The following KCNIP4 variants were observed in gnomAD, a reference collection of about 807,000 sequenced individuals.
KCNIP4 encodes Kv channel-interacting protein 4.
KCNIP4 carries 12 observed loss-of-function variants against 34.0 expected under a neutral mutation model. The observed-to-expected ratio is 0.35, with a 90% CI of 0.23 to 0.57. The LOEUF (loss-of-function observed/expected upper bound fraction) is 0.57. Ranked by LOEUF, KCNIP4 falls within the 20% of genes least tolerant of loss-of-function variation. The probability of loss-of-function intolerance (pLI) is 0.83; values close to 1 mark genes in which losing one functional copy is unlikely to be tolerated. For missense variants in KCNIP4, 238 were observed against 311.7 expected, an observed-to-expected ratio of 0.76 and a Z score of 1.78; for synonymous variants, 124 against 102.2, an observed-to-expected ratio of 1.21 and a Z score of -1.29.
At chr4:20,801,136 C>T (rs1332383114) in intron 3 of KCNIP4, among the ~76,000 whole-genome samples, 1 of 152,120 alleles carries the variant, frequency 6.6e-6, no homozygotes, top group Non-Finnish European at 1.5e-5. Flanking sequence ...ATATATTCAA[C>T]ATGCTGAAAG....
chr4:21,200,445 A>G (rs566280214), intron 1 of KCNIP4, among the ~76,000 whole-genome samples: 12 of 150,792 alleles, frequency 8.0e-5, no homozygotes, highest in Admixed American at 4.6e-4. Context: ...CTACCATGGG[A>G]TACTACACAG....
intron 1 of KCNIP4, among the ~76,000 whole-genome samples, chr4:21,398,003 G>T (rs1723150027): frequency 2.0e-5 from 3 of 152,218 alleles, no homozygotes; most frequent in African/African-American, 7.2e-5. Flanking sequence ...GTCACTTCCT[G>T]CAGAGATGAC....
At chr4:20,918,454 T>A (rs1371052180) in intron 1 of KCNIP4, among the ~76,000 whole-genome samples, 1 of 152,160 alleles carries the variant, frequency 6.6e-6, no homozygotes, top group Non-Finnish European at 1.5e-5. Flanking sequence ...AAACCAGGCA[T>A]ATCTTTTTTC....
intron 1 of KCNIP4, among the ~76,000 whole-genome samples, chr4:21,513,933 A>G (rs527542756): frequency 5.9e-5 from 9 of 152,306 alleles, no homozygotes; most frequent in East Asian, 1.9e-4. Flanking sequence ...TAAGCCTAAA[A>G]TAGCACCTCC....
chr4:20,852,129 A>G (rs1721100547), intron 2 of KCNIP4, among the ~76,000 whole-genome samples: 3 of 151,624 alleles, frequency 2.0e-5, no homozygotes, highest in African/African-American at 2.4e-5. Flanking sequence ...AATTCATTCT[A>G]TGAAGCATCA....
At chr4:20,916,015 G>A (rs535598746) in intron 1 of KCNIP4, among the ~76,000 whole-genome samples, 1 of 152,070 alleles carries the variant, frequency 6.6e-6, no homozygotes, top group Non-Finnish European at 1.5e-5. Flanking sequence ...TGGAAAAGGG[G>A]AATAAATTTT....
chr4:21,445,624 C>G (rs893695964), intron 1 of KCNIP4, among the ~76,000 whole-genome samples: 5 of 152,120 alleles, frequency 3.3e-5, no homozygotes, highest in Non-Finnish European at 7.3e-5. Flanking sequence ...AAAATTAATT[C>G]AAGATGGATT....
chr4:21,422,659 TTG>T (rs3083787), intron 1 of KCNIP4, among the ~76,000 whole-genome samples: 23,383 of 147,500 alleles, frequency 0.16, 2,133 homozygotes, highest in African/African-American at 0.25. Context: ...ATGTGTGTGT[TTG>T]TGTGTGTGTG....
chr4:20,980,899 A>T (rs1736002151), intron 1 of KCNIP4, among the ~76,000 whole-genome samples: 2 of 152,056 alleles, frequency 1.3e-5, no homozygotes, highest in African/African-American at 4.8e-5. Flanking sequence ...AGCAATTTGC[A>T]TTGGGATAAC....
At chr4:21,485,901 G>T (rs1251612095) in intron 1 of KCNIP4, among the ~76,000 whole-genome samples, 3 of 152,170 alleles carry the variant, frequency 2.0e-5, no homozygotes, top group Admixed American at 6.5e-5. Flanking sequence ...AAACAGGAAA[G>T]CCTGGTTCAG....
intron 1 of KCNIP4, among the ~76,000 whole-genome samples, chr4:21,100,815 T>C (rs1038389407): frequency 6.6e-6 from 1 of 152,166 alleles, no homozygotes; most frequent in African/African-American, 2.4e-5. Context: ...TTTAAATGCA[T>C]TGGGAAACCA....
chr4:21,932,314 T>C (rs2109009504), intron 1 of KCNIP4, among the ~76,000 whole-genome samples: 1 of 152,180 alleles, frequency 6.6e-6, no homozygotes, highest in Non-Finnish European at 1.5e-5. Flanking sequence ...CAATGCAGTG[T>C]CTGATCCATG....
chr4:21,509,382 C>A (rs1037263080), intron 1 of KCNIP4, among the ~76,000 whole-genome samples: 1 of 152,146 alleles, frequency 6.6e-6, no homozygotes, highest in Non-Finnish European at 1.5e-5. Context: ...ATAATATAAA[C>A]CTCCTGCTGG....
chr4:21,658,241 C>A (rs1051114067), intron 1 of KCNIP4, among the ~76,000 whole-genome samples: 3 of 152,118 alleles, frequency 2.0e-5, no homozygotes, highest in South Asian at 2.1e-4. Flanking sequence ...TTTTAAAGAC[C>A]TCATTAAACA....
intron 1 of KCNIP4, among the ~76,000 whole-genome samples, chr4:21,696,917 A>G (rs1482452463): frequency 7.9e-5 from 12 of 152,166 alleles, no homozygotes; most frequent in Non-Finnish European, 1.8e-4. Context: ...CTATGATCAA[A>G]CACATGGGAA....
At chr4:21,741,659 T>C (rs1235713923) in intron 1 of KCNIP4, among the ~76,000 whole-genome samples, 2 of 152,200 alleles carry the variant, frequency 1.3e-5, no homozygotes, top group Non-Finnish European at 2.9e-5. Context: ...GACAGAAGCG[T>C]ATTTATAGTG....
intron 1 of KCNIP4, among the ~76,000 whole-genome samples, chr4:21,306,760 G>A (rs1375301565): frequency 6.6e-6 from 1 of 152,048 alleles, no homozygotes; most frequent in African/African-American, 2.4e-5. Flanking sequence ...CCATAGTCAA[G>A]TGCTTTGTGT....
intron 1 of KCNIP4, among the ~76,000 whole-genome samples, chr4:21,638,411 T>G (rs1474347676): frequency 2.0e-5 from 3 of 152,160 alleles, no homozygotes; most frequent in African/African-American, 7.2e-5. Context: ...GGTCTATTTT[T>G]GGGGGTATCC....
intron 1 of KCNIP4, among the ~76,000 whole-genome samples, chr4:21,048,469 C>T (rs532354464): frequency 1.3e-4 from 20 of 152,298 alleles, no homozygotes; most frequent in Middle Eastern, 3.4e-3. Flanking sequence ...ACATTTGTTA[C>T]GCACTATCTC....
Sources: allele counts gnomAD v4.1 joint callset (sites outside exome capture counted in the v4.1 genomes callset), GRCh38; gene constraint gnomAD v4.1.1; transcripts MANE v1.5; gene names NCBI Gene and HGNC (gene_info 2026-07-23, HGNC 2026-07-21).